The following P2RY14 variants were observed in gnomAD, a reference collection of about 807,000 sequenced individuals.
P2RY14 encodes purinergic receptor P2Y14, also known as P2Y purinoceptor 14.
Under a neutral mutation model 0.9 loss-of-function variants are expected in P2RY14, and 2 were observed. That is an observed-to-expected ratio of 2.16 (90% CI 0.88 to 6.79). The LOEUF is 6.79. Ranked by LOEUF, P2RY14 falls within the 30% of genes most tolerant of loss-of-function variation. P2RY14 has a pLI of 0.05. For missense variants in P2RY14, 378 were observed against 400.1 expected, an observed-to-expected ratio of 0.94 and a Z score of 0.47; for synonymous variants, 158 against 147.2, an observed-to-expected ratio of 1.07 and a Z score of -0.53.
chr3:151,269,397 T>TCTCACACACA (rs925857835), intron 1 of P2RY14: 33 of 144,608 alleles, frequency 2.3e-4, no homozygotes, highest in African/African-American at 9.1e-4. Flanking sequence ...TGAAACTCCA[T>TCTCACACACA]CACACACACA....
chr3:151,252,115 C>T (rs1230518879), intron 1 of P2RY14, among the ~76,000 whole-genome samples: 8 of 152,126 alleles, frequency 5.3e-5, no homozygotes, highest in Admixed American at 2.6e-4. Context: ...CCACCCATCC[C>T]CTCCCTCCCT....
chr3:151,212,754 G>A lies in P2RY14; in HGVS notation c.*546C>T, dbSNP rs1727387529. On this transcript the variant is annotated 3_prime_UTR_variant, in exon 3 of 3. Transcript: ENST00000309170. ...GTGCCATGAAATACATCAATAAGGG[G>A]TTTCTTAAGTGATTGTCTGGGTGTC... 1 of 151,854 alleles carries A rather than the reference G, an allele frequency of 6.6e-6. No homozygotes were observed. 9.4% of individuals were successfully genotyped at this position (151,854 alleles called of 1,614,324 possible).
chr3:151,249,178 TA>T (rs1333298817), intron 1 of P2RY14: 1 of 152,176 alleles, frequency 6.6e-6, no homozygotes, highest in African/African-American at 2.4e-5. Flanking sequence ...GACCAAATAG[TA>T]AATAGTATGA....
intron 1 of P2RY14, among the ~76,000 whole-genome samples, chr3:151,247,650 T>C (rs1390691348): frequency 2.1e-5 from 3 of 144,126 alleles, no homozygotes; most frequent in Non-Finnish European, 4.6e-5. Flanking sequence ...TTGGGAGATG[T>C]ACCTAATGCT....
At chr3:151,261,405 A>G (rs1920396) in intron 1 of P2RY14, 70,576 of 152,012 alleles carry the variant, frequency 0.46, 16,523 homozygotes, top group Middle Eastern at 0.65. Flanking sequence ...GTGGAGGGTA[A>G]GAGGGATGGT....
chr3:151,215,627 G>C (rs552160394), intron 2 of P2RY14, among the ~76,000 whole-genome samples: 3 of 152,260 alleles, frequency 2.0e-5, no homozygotes, highest in African/African-American at 7.2e-5. Flanking sequence ...TTGATTTAGG[G>C]CAGAGGGAAG....
At chr3:151,214,434 A>G (rs1301416050) in intron 2 of P2RY14, 94 bp from the exon 3 acceptor site, 1 of 832,438 alleles carries the variant, frequency 1.2e-6, no homozygotes, top group East Asian at 2.5e-5. Flanking sequence ...ATATAGTCAA[A>G]CCTACCAAAT....
Position 151,239,281 on chromosome 3 carries a change from T to C in P2RY14, c.-132-19639A>G, listed in dbSNP as rs575587746. On this transcript the variant is annotated intron_variant, in intron 1 of 2. Transcript: ENST00000309170. ...TTCAGTGTTACAAAGTATAAAATAT[T>C]CATTGACATGGTTTTAGATCCAATA... is the stretch of plus-strand genomic sequence containing the variant. 3.9e-5 allele frequency among the ~76,000 whole-genome samples: 6 copies of C among 152,360 alleles called. No individual in the cohort carries two copies. The East Asian group carries it at 1.2e-3, about 29-fold the overall frequency.
At chr3:151,240,354 T>A (rs1733832704) in intron 1 of P2RY14, among the ~76,000 whole-genome samples, 1 of 152,222 alleles carries the variant, frequency 6.6e-6, no homozygotes. Context: ...GCTCAAGCAG[T>A]TTCCAGTGGG....
intron 1 of P2RY14, among the ~76,000 whole-genome samples, chr3:151,257,564 A>G (rs1283423567): frequency 6.6e-6 from 1 of 152,246 alleles, no homozygotes; most frequent in East Asian, 1.9e-4. Context: ...GTTGTGAGGA[A>G]TATTGTTCTG....
chr3:151,228,173 A>T (rs1414059119), intron 1 of P2RY14, among the ~76,000 whole-genome samples: 1 of 152,206 alleles, frequency 6.6e-6, no homozygotes, highest in African/African-American at 2.4e-5. Context: ...CAGAGGACAG[A>T]CAGTGCAGCA....
intron 1 of P2RY14, among the ~76,000 whole-genome samples, chr3:151,243,213 C>T (rs1175289183): frequency 6.6e-6 from 1 of 151,966 alleles, no homozygotes; most frequent in Non-Finnish European, 1.5e-5. Flanking sequence ...TCCAGGAGAA[C>T]TTCCCCAATC....
chr3:151,239,431 G>T (rs1733623077), intron 1 of P2RY14, among the ~76,000 whole-genome samples: 1 of 152,170 alleles, frequency 6.6e-6, no homozygotes, highest in Admixed American at 6.5e-5. Flanking sequence ...TAAACATTTT[G>T]CAAGAGATTG....
At chr3:151,214,488 C>T (rs1210984037) in intron 2 of P2RY14, 148 bp from the exon 3 acceptor site, 3 of 544,918 alleles carry the variant, frequency 5.5e-6, no homozygotes, top group South Asian at 2.7e-5. Flanking sequence ...GACACTCATC[C>T]CTCCCTCCCT....
At chr3:151,229,168 G>A (rs1221087217) in intron 1 of P2RY14, among the ~76,000 whole-genome samples, 1 of 152,160 alleles carries the variant, frequency 6.6e-6, no homozygotes, top group Admixed American at 6.5e-5. Flanking sequence ...TAGAAATACT[G>A]TACAGAAGTG....
chr3:151,217,215 G>A (rs2149245410), intron 2 of P2RY14, among the ~76,000 whole-genome samples: 1 of 152,266 alleles, frequency 6.6e-6, no homozygotes, highest in Admixed American at 6.5e-5. Flanking sequence ...TATAGAAATA[G>A]TGAATCCCAG....
chr3:151,242,437 A>C (rs1418120713), intron 1 of P2RY14, among the ~76,000 whole-genome samples: 1 of 152,232 alleles, frequency 6.6e-6, no homozygotes, highest in Admixed American at 6.5e-5. Context: ...GAGAACCGGC[A>C]GACTGCCTCC....
intron 2 of P2RY14, among the ~76,000 whole-genome samples, chr3:151,215,757 A>G (rs1263211650): frequency 6.6e-6 from 1 of 152,218 alleles, no homozygotes; most frequent in Non-Finnish European, 1.5e-5. Flanking sequence ...CCTTGCCCTC[A>G]GGAGAATGCC....
chr3:151,249,836 A>G (rs1049598056), intron 1 of P2RY14, among the ~76,000 whole-genome samples: 2 of 152,178 alleles, frequency 1.3e-5, no homozygotes, highest in African/African-American at 4.8e-5. Context: ...TAATACAGTC[A>G]TAATACATCT....
Sources: allele counts gnomAD v4.1 joint callset (sites outside exome capture counted in the v4.1 genomes callset), GRCh38; gene constraint gnomAD v4.1.1; transcripts MANE v1.5; gene names NCBI Gene and HGNC (gene_info 2026-07-23, HGNC 2026-07-21).